GPATCH2: variants seen among roughly 807,000 people sequenced by gnomAD.
GPATCH2 encodes G-patch domain containing 2.
GPATCH2 carries 51 observed loss-of-function variants against 58.0 expected under a neutral mutation model. The ratio of observed to expected loss-of-function variants is 0.88; its 90% CI spans 0.70 to 1.11. The LOEUF is 1.11. Ranked by LOEUF, GPATCH2 falls within the 50% of genes most tolerant of loss-of-function variation. GPATCH2 has a pLI of 0.00. For synonymous variants in GPATCH2, 222 were observed against 218.5 expected, an observed-to-expected ratio of 1.02 and a Z score of -0.14; for missense variants, 625 against 652.2, an observed-to-expected ratio of 0.96 and a Z score of 0.45.
intron 5 of GPATCH2, among the ~76,000 whole-genome samples, chr1:217,601,773 C>T (rs527262802): frequency 4.0e-4 from 61 of 152,134 alleles, no homozygotes; most frequent in Non-Finnish European, 7.9e-4. Flanking sequence ...TTCTCTAACA[C>T]TTACCCTGCT....
intron 9 of GPATCH2, among the ~76,000 whole-genome samples, chr1:217,433,959 C>T (rs375250843): frequency 7.2e-5 from 11 of 152,240 alleles, no homozygotes; most frequent in Admixed American, 2.0e-4. Flanking sequence ...TTTTCAAAGC[C>T]GTTTATTAAA....
intron 5 of GPATCH2, among the ~76,000 whole-genome samples, chr1:217,518,311 A>G (rs138244565): frequency 6.6e-6 from 1 of 152,178 alleles, no homozygotes; most frequent in East Asian, 1.9e-4. Context: ...ACCACTATCG[A>G]TTCAGGAGGT....
At chr1:217,463,126 C>G (rs565063997) in intron 8 of GPATCH2, among the ~76,000 whole-genome samples, 6 of 152,126 alleles carry the variant, frequency 3.9e-5, no homozygotes, top group Non-Finnish European at 7.4e-5. Flanking sequence ...AGTAAAGAAA[C>G]TCTGCGGTTG....
chr1:217,473,165 T>A (rs1660810071), intron 8 of GPATCH2, among the ~76,000 whole-genome samples: 1 of 152,198 alleles, frequency 6.6e-6, no homozygotes, highest in Non-Finnish European at 1.5e-5. Context: ...GAGTGTGTTC[T>A]GCCTTAGTGA....
At chr1:217,494,172 G>GT (rs1442749530) in intron 7 of GPATCH2, among the ~76,000 whole-genome samples, 49 of 152,160 alleles carry the variant, frequency 3.2e-4, no homozygotes, top group African/African-American at 1.1e-3. Flanking sequence ...CAAATGTATA[G>GT]TTTTGATGGG....
chr1:217,594,133 T>A (rs1667713390), intron 5 of GPATCH2, among the ~76,000 whole-genome samples: 1 of 152,098 alleles, frequency 6.6e-6, no homozygotes, highest in Non-Finnish European at 1.5e-5. Flanking sequence ...AACTAAATTT[T>A]AAACTGAATA....
At chr1:217,549,864 A>C (rs1007965626) in intron 5 of GPATCH2, among the ~76,000 whole-genome samples, 1 of 152,232 alleles carries the variant, frequency 6.6e-6, no homozygotes, top group African/African-American at 2.4e-5. Flanking sequence ...CAGTGAATTT[A>C]GGTTCACATT....
At chr1:217,568,873 A>G (rs1666398772) in intron 5 of GPATCH2, among the ~76,000 whole-genome samples, 1 of 152,164 alleles carries the variant, frequency 6.6e-6, no homozygotes, top group Admixed American at 6.5e-5. Context: ...GTAGAGAGCA[A>G]AGGCAAAGCC....
chr1:217,541,046 C>T (rs958036898), intron 5 of GPATCH2, among the ~76,000 whole-genome samples: 1 of 152,188 alleles, frequency 6.6e-6, no homozygotes, highest in African/African-American at 2.4e-5. Context: ...TTTGGCCAAA[C>T]AGCCAGGAAT....
intron 5 of GPATCH2, among the ~76,000 whole-genome samples, chr1:217,523,401 T>C (rs1663582060): frequency 6.6e-6 from 1 of 151,658 alleles, no homozygotes; most frequent in Non-Finnish European, 1.5e-5. Flanking sequence ...CCTTCAAGCG[T>C]CTGTTTAACA....
rs184429457 is a variant in GPATCH2, at chr1:217,574,967, T to C, written c.1098+35354A>G. On this transcript the variant is annotated intron_variant, in intron 5 of 9. Transcript: ENST00000366935. Reference sequence around the variant, plus strand: ...AGATCATTTTTTCACTTTTAATTCCTGATAAATCCACACACAGGGTTGGAA... The same window carrying C: ...AGATCATTTTTTCACTTTTAATTCCCGATAAATCCACACACAGGGTTGGAA... Among the ~76,000 whole-genome samples the C allele has an allele frequency of 2.7e-4, 41 of 152,338 alleles. No individual in the cohort carries two copies. In the East Asian group the frequency reaches 7.9e-3, roughly 29 times the overall value.
chr1:217,620,121 C>T lies in GPATCH2; in HGVS notation c.435G>A (p.Glu145=), dbSNP rs1378595094. 1.2e-6 allele frequency: 2 copies of T among 1,614,154 alleles called. No homozygotes were observed. The highest frequency in any genetic ancestry group is 4.5e-5 in the East Asian group (2 of 44,882). ...NVRGKRPLWH[E]SDFAVDNVGN... ...CAACATTGTCCACAGCAAAATCAGACTCATGCCATAGAGGTCTTTTCCCTC... is the reference window on the plus strand; with the variant it reads ...CAACATTGTCCACAGCAAAATCAGATTCATGCCATAGAGGTCTTTTCCCTC... Residue 145 remains glutamate, a synonymous_variant, in exon 2 of 10, where the codon GAG becomes GAA. Transcript: ENST00000366935.
chr1:217,572,023 AG>A (rs1666587642), intron 5 of GPATCH2, among the ~76,000 whole-genome samples: 1 of 129,570 alleles, frequency 7.7e-6, no homozygotes. Context: ...GAAGGAAGGA[AG>A]GGAGGTAGGG....
chr1:217,611,126 T>C lies in GPATCH2; in HGVS notation c.836-55A>G, dbSNP rs115950597. On this transcript the variant is annotated intron_variant, in intron 3 of 9. Coordinates refer to ENST00000366935, the MANE Select transcript of GPATCH2 (RefSeq NM_018040.5). ...CAAAGACTCAGTTTTATCATCCAGT[T>C]ACACAATTAGTCTTGTCAGGTAATA... The C allele has an allele frequency of 6.6e-4, 976 of 1,481,872 alleles. 5 individuals carry two copies. The African/African-American group carries it at 0.013, about 19-fold the overall frequency. 91.8% of individuals were successfully genotyped at this position (1,481,872 alleles called of 1,614,324 possible).
chr1:217,433,384 ATTTATTTATTTATT>A (rs1307658864), intron 9 of GPATCH2, among the ~76,000 whole-genome samples: 914 of 30,288 alleles, frequency 0.03, 15 homozygotes, highest in African/African-American at 0.086. Flanking sequence ...ATATATATAT[ATTTATTTATTTATT>A]TATTTATTTA....
At chr1:217,510,183 T>C (rs1662776838) in intron 6 of GPATCH2, among the ~76,000 whole-genome samples, 1 of 152,144 alleles carries the variant, frequency 6.6e-6, no homozygotes, top group African/African-American at 2.4e-5. Flanking sequence ...CTCATGTAAG[T>C]TTAGGAAGAC....
chr1:217,543,356 GCCT>G (rs1478543244), intron 5 of GPATCH2, among the ~76,000 whole-genome samples: 2 of 141,834 alleles, frequency 1.4e-5, no homozygotes, highest in African/African-American at 5.2e-5. Flanking sequence ...TGCAAGCTCC[GCCT>G]CCCAGGTTCA....
chr1:217,497,531 C>T (rs990736363), intron 7 of GPATCH2, among the ~76,000 whole-genome samples: 6 of 152,022 alleles, frequency 3.9e-5, no homozygotes, highest in Admixed American at 1.3e-4. Context: ...GTATATGCAA[C>T]AGCTGTGAAC....
intron 5 of GPATCH2, among the ~76,000 whole-genome samples, chr1:217,591,944 A>G (rs1273474316): frequency 6.6e-6 from 1 of 152,034 alleles, no homozygotes; most frequent in Non-Finnish European, 1.5e-5. Flanking sequence ...ATAATTTGTT[A>G]ATGTAGAAAT....
Sources: allele counts gnomAD v4.1 joint callset (sites outside exome capture counted in the v4.1 genomes callset), GRCh38; gene constraint gnomAD v4.1.1; transcripts MANE v1.5; gene names NCBI Gene and HGNC (gene_info 2026-07-23, HGNC 2026-07-21).